The following DROSHA variants were observed in gnomAD, a reference collection of about 807,000 sequenced individuals.
DROSHA encodes the protein ribonuclease 3.
DROSHA carries 56 observed loss-of-function variants against 181.9 expected under a neutral mutation model. The observed-to-expected ratio is 0.31, with a 90% CI of 0.25 to 0.38. DROSHA has a LOEUF of 0.38. Among genes scored for constraint, DROSHA ranks in the 10% least tolerant of loss-of-function variants. The pLI is 1.00. For missense variants in DROSHA, 1,218 were observed against 1,743.5 expected (o/e 0.70, Z 5.37); for synonymous variants, 524 against 591.2 (o/e 0.89, Z 1.65).
chr5:31,528,993 C>T (rs1489072548), intron 4 of DROSHA, 47 bp downstream of exon 4: 1 of 1,609,822 alleles, frequency 6.2e-7, no homozygotes. Context: ...ATGTCTGCTC[C>T]TCTCTCGGTT....
intron 34 of DROSHA, among the ~76,000 whole-genome samples, chr5:31,406,617 T>C (rs926312401): frequency 5.3e-5 from 8 of 152,156 alleles, no homozygotes; most frequent in Non-Finnish European, 1.0e-4. Context: ...CCAGGTAATA[T>C]GGTTTTCTCA....
chr5:31,508,496 G>C, intron 10 of DROSHA, 125 bp downstream of exon 10: 1 of 1,401,116 alleles, frequency 7.1e-7, no homozygotes, highest in South Asian at 1.4e-5. Context: ...AAATAGCTCT[G>C]AAGGACAAAA....
chr5:31,488,552 T>A (rs6889726), intron 13 of DROSHA, among the ~76,000 whole-genome samples: 1 of 151,800 alleles, frequency 6.6e-6, no homozygotes, highest in Non-Finnish European at 1.5e-5. Context: ...ACAGTTCAGA[T>A]AGAAGTGCGT....
At chr5:31,477,746 C>T (rs1750569381) in intron 16 of DROSHA, among the ~76,000 whole-genome samples, 1 of 152,326 alleles carries the variant, frequency 6.6e-6, no homozygotes, top group South Asian at 2.1e-4. Context: ...CCTACCTTTG[C>T]CCCAGTTACA....
chr5:31,520,887 A>T (rs192829234), intron 6 of DROSHA, among the ~76,000 whole-genome samples: 2 of 152,298 alleles, frequency 1.3e-5, no homozygotes, highest in Admixed American at 1.3e-4. Flanking sequence ...TGTGGTCAGA[A>T]AAAGTGGTCT....
chr5:31,458,487 G>T (rs1747945065), intron 20 of DROSHA, among the ~76,000 whole-genome samples: 1 of 152,162 alleles, frequency 6.6e-6, no homozygotes, highest in East Asian at 1.9e-4. Context: ...AATGAAGAAA[G>T]ACAGAATTTG....
chr5:31,474,035 G>A (rs1455798496), intron 16 of DROSHA, among the ~76,000 whole-genome samples: 1 of 152,224 alleles, frequency 6.6e-6, no homozygotes, highest in Non-Finnish European at 1.5e-5. Flanking sequence ...AGGCGCTCAG[G>A]AAGCACATAG....
At chr5:31,443,939 G>T (rs1745956673) in intron 23 of DROSHA, among the ~76,000 whole-genome samples, 3 of 152,170 alleles carry the variant, frequency 2.0e-5, no homozygotes. Flanking sequence ...GAAAAAACAT[G>T]GGTAGGACCA....
rs745829937 is a variant in DROSHA, at chr5:31,449,268, C to T, written c.2821+13G>A. 9.4e-5 allele frequency: 151 copies of T among 1,613,178 alleles called. No individual in the cohort carries two copies. The highest frequency in any genetic ancestry group is 1.2e-4 in the Non-Finnish European group (146 of 1,179,460). On this transcript the variant is annotated intron_variant, in intron 22 of 35. Transcript: ENST00000344624. ...AAATAGGAGATTCACATCTTAAAAT[C>T]ATCCAGACATACCTTTCTTCCGCAT...
chr5:31,478,201 T>TA (rs1750627190), intron 16 of DROSHA, among the ~76,000 whole-genome samples: 1 of 152,208 alleles, frequency 6.6e-6, no homozygotes, highest in Non-Finnish European at 1.5e-5. Context: ...TCAGATGGAC[T>TA]AAACCAGGAA....
chr5:31,521,264 ACAC>A (rs750157761), intron 5 of DROSHA, 49 bp from the exon 6 acceptor site: 8 of 1,590,050 alleles, frequency 5.0e-6, no homozygotes, highest in Non-Finnish European at 6.0e-6. Flanking sequence ...AGACTCAAAA[ACAC>A]CATCTCTTTT....
chr5:31,449,551 G>C lies in DROSHA; in HGVS notation c.2683-132C>G, dbSNP rs1580133690. 8 of 956,594 alleles carry C rather than the reference G, an allele frequency of 8.4e-6. No individual in the cohort carries two copies. In the South Asian group the frequency reaches 9.5e-5, roughly 11 times the overall value. 59.3% of individuals were successfully genotyped at this position (956,594 alleles called of 1,614,324 possible). ...AAGACTAGCCTGGGCAACACAGTGA[G>C]ACGCCATCTCTACAAAAAATAAAAA... On this transcript the variant is annotated intron_variant, in intron 21 of 35. Coordinates refer to ENST00000344624, the MANE Select transcript of DROSHA (RefSeq NM_001382508.1).
chr5:31,531,002 T>C (rs1741255870), intron 2 of DROSHA, 78 bp from the exon 3 acceptor site: 1 of 394,040 alleles, frequency 2.5e-6, no homozygotes, highest in East Asian at 3.6e-5. Flanking sequence ...TACATTTCCC[T>C]TCCATGTACC....
Position 31,401,282 on chromosome 5 carries a change from G to C in DROSHA, c.*150C>G. The stretch of plus-strand genomic sequence containing the variant: ...AATAAAGACCATCCAGCTAAAAACA[G>C]ATCATTAAAACAACAATAGCGATTT... On this transcript the variant is annotated 3_prime_UTR_variant, in exon 36 of 36. Coordinates refer to ENST00000344624, the MANE Select transcript of DROSHA (RefSeq NM_001382508.1). The C allele has an allele frequency of 9.0e-7, 1 of 1,107,422 alleles. No homozygotes were observed. The highest frequency in any genetic ancestry group is 1.3e-6 in the Non-Finnish European group (1 of 744,964). The allele number at this position is 1,107,422 out of a possible 1,614,324, so 68.6% of individuals were successfully genotyped here. A position where few individuals can be genotyped will look rare whatever the true frequency, so the allele number is the denominator to read the frequency against.
chr5:31,518,907 T>G (rs1284030337), intron 6 of DROSHA, among the ~76,000 whole-genome samples: 1 of 152,228 alleles, frequency 6.6e-6, no homozygotes, highest in East Asian at 1.9e-4. Context: ...AATGATGTAA[T>G]GAATGGTCAG....
intron 22 of DROSHA, among the ~76,000 whole-genome samples, chr5:31,448,912 C>A (rs1746627958): frequency 6.6e-6 from 1 of 152,124 alleles, no homozygotes; most frequent in African/African-American, 2.4e-5. Context: ...GCGGATAGAT[C>A]ACTTGAGGTC....
At chr5:31,471,946 G>T in intron 17 of DROSHA, 117 bp downstream of exon 17, 1 of 940,934 alleles carries the variant, frequency 1.1e-6, no homozygotes, top group Non-Finnish European at 1.5e-6. Context: ...AATTATCCAA[G>T]GACAAGAGCA....
At chr5:31,415,056 C>G (rs1741778041) in intron 30 of DROSHA, among the ~76,000 whole-genome samples, 1 of 152,098 alleles carries the variant, frequency 6.6e-6, no homozygotes, top group East Asian at 1.9e-4. Flanking sequence ...TTCTATTATG[C>G]CAGCATAGCA....
chr5:31,434,526 C>G (rs1744563170), intron 25 of DROSHA, among the ~76,000 whole-genome samples: 1 of 152,184 alleles, frequency 6.6e-6, no homozygotes, highest in African/African-American at 2.4e-5. Context: ...CCACTAAAAC[C>G]AGTTCAAAGC....
Sources: gnomAD v4.1 joint callset for allele counts (sites outside exome capture counted in the v4.1 genomes callset) on GRCh38, gnomAD v4.1.1 for gene constraint, MANE v1.5 for transcripts, NCBI Gene and HGNC (gene_info 2026-07-23, HGNC 2026-07-21) for gene names.